Variants in DGKB observed in about 807,000 individuals in gnomAD.
DGKB encodes 90 kDa diacylglycerol kinase.
Under a neutral mutation model 114.3 loss-of-function variants are expected in DGKB, and 67 were observed. The observed-to-expected ratio is 0.59, with a 90% CI of 0.48 to 0.72. The LOEUF is 0.72. Ranked by LOEUF, DGKB falls within the 30% of genes least tolerant of loss-of-function variation. The pLI is 0.00. For synonymous variants in DGKB, 398 were observed against 323.1 expected (o/e 1.23, Z -2.49); for missense variants, 907 against 975.2 (o/e 0.93, Z 0.93).
chr7:14,295,447 C>T (rs1200575001), intron 23 of DGKB, among the ~76,000 whole-genome samples: 1 of 152,084 alleles, frequency 6.6e-6, no homozygotes, highest in African/African-American at 2.4e-5. Context: ...TATAATTCTC[C>T]AAAGCCTAAA....
intron 13 of DGKB, among the ~76,000 whole-genome samples, chr7:14,638,965 G>C (rs1192063953): frequency 6.6e-6 from 1 of 152,168 alleles, no homozygotes; most frequent in Non-Finnish European, 1.5e-5. Flanking sequence ...TTGAACCCGG[G>C]AGGTGGAGGT....
At chr7:14,235,344 A>T (rs1013140842) in intron 23 of DGKB, among the ~76,000 whole-genome samples, 3 of 152,116 alleles carry the variant, frequency 2.0e-5, no homozygotes, top group Non-Finnish European at 4.4e-5. Flanking sequence ...CAGTTTTCTC[A>T]GCATGCCATT....
chr7:14,230,435 G>C (rs1736067922), intron 23 of DGKB, among the ~76,000 whole-genome samples: 1 of 151,852 alleles, frequency 6.6e-6, no homozygotes, highest in African/African-American at 2.4e-5. Context: ...GTTTTCAAAA[G>C]CTGTTATGGT....
chr7:14,367,687 A>G (rs1431239631), intron 21 of DGKB, among the ~76,000 whole-genome samples: 3 of 152,066 alleles, frequency 2.0e-5, no homozygotes, highest in Non-Finnish European at 4.4e-5. Context: ...AAGACTGGGT[A>G]ATTTATAAAG....
intron 23 of DGKB, among the ~76,000 whole-genome samples, chr7:14,193,996 G>A (rs2128278596): frequency 6.6e-6 from 1 of 152,234 alleles, no homozygotes; most frequent in African/African-American, 2.4e-5. Flanking sequence ...ACCACAACGA[G>A]ATGTTACTTC....
intron 17 of DGKB, among the ~76,000 whole-genome samples, chr7:14,601,108 G>A (rs1189635376): frequency 6.6e-6 from 1 of 152,218 alleles, no homozygotes; most frequent in Non-Finnish European, 1.5e-5. Flanking sequence ...CTCTGTGCCT[G>A]CAGAGTTAGC....
At chr7:14,520,208 C>CTTTTTTTT (rs1319688779) in intron 20 of DGKB, among the ~76,000 whole-genome samples, 4 of 89,256 alleles carry the variant, frequency 4.5e-5, no homozygotes, top group Non-Finnish European at 7.3e-5. Flanking sequence ...ATCTTTTTTC[C>CTTTTTTTT]TATTTTTTTT....
chr7:14,650,490 C>T (rs1814195450), intron 13 of DGKB, among the ~76,000 whole-genome samples: 1 of 53,910 alleles, frequency 1.9e-5, no homozygotes, highest in Non-Finnish European at 3.6e-5. Flanking sequence ...GGGATGCATT[C>T]AAAGCAGTGT....
intron 23 of DGKB, among the ~76,000 whole-genome samples, chr7:14,326,906 C>T (rs1168466865): frequency 6.6e-6 from 1 of 152,072 alleles, no homozygotes; most frequent in Non-Finnish European, 1.5e-5. Context: ...CATGCAAACA[C>T]ACACATGCAC....
At chr7:14,348,403 C>T (rs1299734822) in intron 21 of DGKB, among the ~76,000 whole-genome samples, 1 of 151,772 alleles carries the variant, frequency 6.6e-6, no homozygotes, top group African/African-American at 2.4e-5. Flanking sequence ...ATAAAGAACT[C>T]TGATGATTCG....
chr7:14,655,072 A>C (rs1815485283), intron 13 of DGKB, among the ~76,000 whole-genome samples: 1 of 151,936 alleles, frequency 6.6e-6, no homozygotes, highest in African/African-American at 2.4e-5. Flanking sequence ...TCAGCGAAGG[A>C]AACAATCACA....
At chr7:14,398,916 T>C (rs1237057116) in intron 21 of DGKB, among the ~76,000 whole-genome samples, 1 of 151,954 alleles carries the variant, frequency 6.6e-6, no homozygotes, top group Non-Finnish European at 1.5e-5. Context: ...AGGAAAGATC[T>C]AGGGGCTGCT....
chr7:14,866,906 T>C (rs879714781), intron 1 of DGKB, among the ~76,000 whole-genome samples: 2 of 152,168 alleles, frequency 1.3e-5, no homozygotes, highest in Non-Finnish European at 2.9e-5. Flanking sequence ...TTGTCAGTGT[T>C]CCAGACTTTG....
At chr7:14,740,695 T>C (rs1025323322) in intron 4 of DGKB, among the ~76,000 whole-genome samples, 1 of 152,092 alleles carries the variant, frequency 6.6e-6, no homozygotes, top group African/African-American at 2.4e-5. Flanking sequence ...ATAGAGGTCA[T>C]ACTAGTATCC....
At chr7:14,505,070 G>A (rs936514382) in intron 20 of DGKB, among the ~76,000 whole-genome samples, 2 of 152,128 alleles carry the variant, frequency 1.3e-5, no homozygotes, top group Non-Finnish European at 2.9e-5. Context: ...CCTCACTGAA[G>A]GCATAGAGCT....
intron 1 of DGKB, among the ~76,000 whole-genome samples, chr7:14,886,772 C>G (rs958392291): frequency 1.1e-4 from 16 of 151,862 alleles, no homozygotes; most frequent in South Asian, 1.0e-3. Flanking sequence ...GTAATCCCAT[C>G]GAAACATAAA....
At chr7:14,740,203 C>T in intron 4 of DGKB, among the ~76,000 whole-genome samples, 1 of 150,348 alleles carries the variant, frequency 6.7e-6, no homozygotes, top group Non-Finnish European at 1.5e-5. Flanking sequence ...CAAGAGGTTT[C>T]TTCCCCAGGC....
At chr7:14,261,640 TATAAA>T (rs575515240) in intron 23 of DGKB, among the ~76,000 whole-genome samples, 203 of 152,282 alleles carry the variant, frequency 1.3e-3, no homozygotes, top group African/African-American at 4.5e-3. Context: ...CATGACTAAA[TATAAA>T]ATAAGATTGA....
At chr7:14,520,644 GT>G (rs1789614196) in intron 20 of DGKB, among the ~76,000 whole-genome samples, 1 of 151,516 alleles carries the variant, frequency 6.6e-6, no homozygotes, top group African/African-American at 2.4e-5. Flanking sequence ...ATTTTTTTCT[GT>G]TGTGAATTTT....
Sources: allele counts gnomAD v4.1 joint callset (sites outside exome capture counted in the v4.1 genomes callset), GRCh38; gene constraint gnomAD v4.1.1; transcripts MANE v1.5; gene names NCBI Gene and HGNC (gene_info 2026-07-23, HGNC 2026-07-21).